The following MICU1 variants were observed in gnomAD, a reference collection of about 807,000 sequenced individuals.
MICU1 encodes the protein calcium uptake protein 1, mitochondrial.
Under a neutral mutation model 56.8 loss-of-function variants are expected in MICU1, and 45 were observed. The ratio of observed to expected loss-of-function variants is 0.79; its 90% CI spans 0.62 to 1.02. The LOEUF is 1.02. Among genes scored for constraint, MICU1 ranks in the 50% least tolerant of loss-of-function variants. MICU1 has a pLI of 0.00. For synonymous variants in MICU1, 186 were observed against 195.1 expected (o/e 0.95, Z 0.39); for missense variants, 504 against 587.1 (o/e 0.86, Z 1.46).
intron 10 of MICU1, among the ~76,000 whole-genome samples, chr10:72,384,746 T>C (rs759018690): frequency 1.3e-5 from 2 of 152,192 alleles, no homozygotes. Flanking sequence ...GAATTTGAGC[T>C]TCCTTGCCTA....
intron 5 of MICU1, among the ~76,000 whole-genome samples, chr10:72,524,398 C>T (rs886407912): frequency 6.6e-6 from 1 of 152,116 alleles, no homozygotes; most frequent in Non-Finnish European, 1.5e-5. Context: ...CCACCAGACC[C>T]GGCCTCCAAG....
intron 1 of MICU1, among the ~76,000 whole-genome samples, chr10:72,617,899 C>T (rs780210334): frequency 4.6e-5 from 7 of 152,116 alleles, no homozygotes; most frequent in Non-Finnish European, 1.0e-4. Flanking sequence ...GCCGCAGTGG[C>T]TTACGCCTGT....
At chr10:72,518,371 C>T (rs1867716822) in intron 5 of MICU1, among the ~76,000 whole-genome samples, 1 of 151,860 alleles carries the variant, frequency 6.6e-6, no homozygotes. Context: ...TATTAATACA[C>T]ATTTATATTA....
chr10:72,480,178 C>T (rs903411693), intron 6 of MICU1, among the ~76,000 whole-genome samples: 2 of 152,140 alleles, frequency 1.3e-5, no homozygotes, highest in Non-Finnish European at 2.9e-5. Context: ...ATTTGAGATA[C>T]CCAAAGAAGG....
intron 8 of MICU1, among the ~76,000 whole-genome samples, chr10:72,455,452 G>A (rs1406371001): frequency 6.6e-6 from 1 of 151,038 alleles, no homozygotes; most frequent in Non-Finnish European, 1.5e-5. Context: ...ACATTATTCA[G>A]GTGTTTTTAT....
intron 9 of MICU1, among the ~76,000 whole-genome samples, chr10:72,408,395 G>A (rs151293131): frequency 2.6e-5 from 4 of 152,102 alleles, no homozygotes; most frequent in South Asian, 2.1e-4. Context: ...TGCAACCTCC[G>A]CCTCCTACGT....
intron 10 of MICU1, among the ~76,000 whole-genome samples, chr10:72,401,694 CAT>C (rs1490366603): frequency 2.0e-5 from 3 of 152,102 alleles, no homozygotes; most frequent in Admixed American, 2.0e-4. Flanking sequence ...CATCACTTCA[CAT>C]AGTTACCTTT....
intron 5 of MICU1, among the ~76,000 whole-genome samples, chr10:72,528,563 A>G (rs1868028767): frequency 6.6e-6 from 1 of 152,182 alleles, no homozygotes; most frequent in African/African-American, 2.4e-5. Flanking sequence ...TGTCATATTA[A>G]CCTGTTATCT....
intron 8 of MICU1, among the ~76,000 whole-genome samples, chr10:72,426,801 A>G (rs1864361168): frequency 6.6e-6 from 1 of 152,154 alleles, no homozygotes; most frequent in African/African-American, 2.4e-5. Flanking sequence ...CTCAACCGCT[A>G]TCTTAAGCTG....
In MICU1 at chr10:72,566,803, A is replaced by G. The variant is rs370187682; in HGVS notation, c.-1-9T>C. 53 of 1,601,798 alleles carry G rather than the reference A, an allele frequency of 3.3e-5. No individual in the cohort carries two copies. Among genetic ancestry groups the G allele is most frequent in the Non-Finnish European group, 4.3e-5 (50 of 1,174,546 alleles). On this transcript the variant is annotated splice_polypyrimidine_tract_variant and intron_variant, in intron 1 of 11. Transcript: ENST00000361114. ...AGTTCAGACGAAACATCCTGTGGACAATAAGTAGAAATGTCACTCTTAGCT... is the reference window on the plus strand; with the variant it reads ...AGTTCAGACGAAACATCCTGTGGACGATAAGTAGAAATGTCACTCTTAGCT...
chr10:72,466,116 A>AAG (rs1865788263), intron 8 of MICU1, among the ~76,000 whole-genome samples: 4 of 152,180 alleles, frequency 2.6e-5, no homozygotes, highest in Non-Finnish European at 5.9e-5. Flanking sequence ...CTTTGGGGCC[A>AAG]TTAGTAAATA....
At chr10:72,539,362 T>C (rs1306626134) in intron 4 of MICU1, among the ~76,000 whole-genome samples, 1 of 152,146 alleles carries the variant, frequency 6.6e-6, no homozygotes, top group Non-Finnish European at 1.5e-5. Context: ...TCTTAACAAA[T>C]TTAAGAAGAC....
intron 5 of MICU1, among the ~76,000 whole-genome samples, chr10:72,511,651 C>T (rs1002864128): frequency 6.6e-6 from 1 of 152,134 alleles, no homozygotes; most frequent in African/African-American, 2.4e-5. Context: ...TACACAGTTG[C>T]CCAAAGAGCT....
rs1840448637 is a variant in MICU1 at position 72,566,714 on chromosome 10, A to G, written c.80T>C (p.Ile27Thr). The G allele has an allele frequency of 6.2e-7, 1 of 1,612,698 alleles. No individual in the cohort carries two copies. Among genetic ancestry groups the G allele is most frequent in the African/African-American group, 1.3e-5 (1 of 75,016 alleles). ...CATCATTAGTCTTCGCCGGATCTGG[A>G]TGGGCTGTGATCCTCCATGGTACCA... is the stretch of plus-strand genomic sequence containing the variant. ...SRWYHGGSQP[I>T]QIRRRLMMVA... The change falls in exon 2 of 12, where the codon ATC becomes ACC. Residue 27 changes from isoleucine to threonine, a missense_variant. By Grantham distance (89) the Ile-to-Thr change is moderately conservative. Transcript: ENST00000361114.
chr10:72,432,969 G>A (rs1356324121), intron 8 of MICU1, among the ~76,000 whole-genome samples: 1 of 152,058 alleles, frequency 6.6e-6, no homozygotes, highest in Non-Finnish European at 1.5e-5. Flanking sequence ...TTTTTGAGAC[G>A]GAGTCTCACC....
At chr10:72,447,793 A>G (rs1411533195) in intron 8 of MICU1, among the ~76,000 whole-genome samples, 1 of 152,170 alleles carries the variant, frequency 6.6e-6, no homozygotes, top group African/African-American at 2.4e-5. Flanking sequence ...ACTGAGAGGA[A>G]CAGAGGTCTA....
intron 5 of MICU1, among the ~76,000 whole-genome samples, chr10:72,519,927 A>T (rs1297484779): frequency 6.6e-6 from 1 of 152,216 alleles, no homozygotes; most frequent in Non-Finnish European, 1.5e-5. Context: ...AGAAAATGTG[A>T]TGAAGAACAC....
chr10:72,451,974 C>T (rs950179740), intron 8 of MICU1, among the ~76,000 whole-genome samples: 6 of 152,268 alleles, frequency 3.9e-5, no homozygotes, highest in Non-Finnish European at 8.8e-5. Context: ...AAGCCATTCT[C>T]TTGCCTCAGC....
At chr10:72,468,228 C>T (rs919592261) in intron 8 of MICU1, among the ~76,000 whole-genome samples, 3 of 151,604 alleles carry the variant, frequency 2.0e-5, no homozygotes, top group African/African-American at 7.3e-5. Flanking sequence ...TTAGATAATA[C>T]CTTTTCAGTG....
Sources: allele counts gnomAD v4.1 joint callset (sites outside exome capture counted in the v4.1 genomes callset), GRCh38; gene constraint gnomAD v4.1.1; transcripts MANE v1.5; gene names NCBI Gene and HGNC (gene_info 2026-07-23, HGNC 2026-07-21).